SBF2: variants seen among roughly 807,000 people sequenced by gnomAD.
SBF2 encodes myotubularin-related protein 13.
In SBF2, 112 loss-of-function variants were observed where a neutral mutation model predicts 225.2. The observed-to-expected ratio is 0.50, with a 90% CI of 0.43 to 0.58. The LOEUF (loss-of-function observed/expected upper bound fraction) is 0.58, where lower values mean the gene tolerates loss of function less well. Ranked by LOEUF, SBF2 falls within the 20% of genes least tolerant of loss-of-function variation. The pLI, the probability that SBF2 is intolerant of heterozygous loss-of-function variation, is 0.00. For missense variants in SBF2, 1,996 were observed against 2,206.2 expected (o/e 0.90, Z 1.91); for synonymous variants, 763 against 773.3 (o/e 0.99, Z 0.22).
At chr11:10,294,237 A>G (rs1964369632), upstream of SBF2, 2 of 469,798 alleles carry the variant, frequency 4.3e-6, no homozygotes, top group African/African-American at 2.0e-5. Flanking sequence ...CGCGGCGCCT[A>G]GTGCCCGCTC....
chr11:9,873,246 C>G (rs1858933630), intron 17 of SBF2, among the ~76,000 whole-genome samples: 2 of 145,932 alleles, frequency 1.4e-5, no homozygotes, highest in Non-Finnish European at 3.0e-5. Context: ...CTAAAAAATG[C>G]TCTATGTAGT....
At chr11:9,862,527 CT>C (rs1857841268) in intron 17 of SBF2, among the ~76,000 whole-genome samples, 1 of 152,128 alleles carries the variant, frequency 6.6e-6, no homozygotes, top group South Asian at 2.1e-4. Context: ...AGAAATAAAG[CT>C]TTCCATTACT....
At chr11:10,111,196 T>A (rs1405804644) in intron 2 of SBF2, among the ~76,000 whole-genome samples, 3 of 152,212 alleles carry the variant, frequency 2.0e-5, no homozygotes, top group Non-Finnish European at 4.4e-5. Context: ...TAATAAAATA[T>A]GATTTTAAAT....
chr11:9,945,475 A>G (rs1484397008), intron 16 of SBF2, among the ~76,000 whole-genome samples: 2 of 152,198 alleles, frequency 1.3e-5, no homozygotes, highest in Non-Finnish European at 2.9e-5. Context: ...TAAATGTAAG[A>G]CCTAAAACTA....
chr11:9,865,649 C>A (rs1048694423), intron 17 of SBF2, among the ~76,000 whole-genome samples: 1 of 135,560 alleles, frequency 7.4e-6, no homozygotes, highest in South Asian at 2.4e-4. Context: ...CAAGATTGTG[C>A]CACTGCACTC....
At chr11:10,268,797 G>A (rs11042710) in intron 1 of SBF2, among the ~76,000 whole-genome samples, 3,184 of 152,288 alleles carry the variant, frequency 0.021, 83 homozygotes, top group African/African-American at 0.063. Flanking sequence ...TTAGACAAAT[G>A]TAAACGGAAA....
intron 1 of SBF2, among the ~76,000 whole-genome samples, chr11:10,206,102 T>C (rs1442013470): frequency 6.6e-6 from 1 of 151,420 alleles, no homozygotes; most frequent in African/African-American, 2.4e-5. Flanking sequence ...ATGAACATCG[T>C]GCCACACAAA....
chr11:10,220,388 C>G (rs1308645099), intron 1 of SBF2, among the ~76,000 whole-genome samples: 2 of 152,134 alleles, frequency 1.3e-5, no homozygotes, highest in Non-Finnish European at 2.9e-5. Context: ...TAGGTGGGGA[C>G]ACAGCCAAAT....
At chr11:10,232,055 G>C (rs2135437147) in intron 1 of SBF2, among the ~76,000 whole-genome samples, 1 of 152,312 alleles carries the variant, frequency 6.6e-6, no homozygotes, top group African/African-American at 2.4e-5. Flanking sequence ...TTTGATCTCA[G>C]ACTGCTGTGC....
intron 17 of SBF2, among the ~76,000 whole-genome samples, chr11:9,886,350 T>A (rs1860300095): frequency 6.6e-6 from 1 of 152,168 alleles, no homozygotes; most frequent in Non-Finnish European, 1.5e-5. Flanking sequence ...TTCCATAGAT[T>A]TTTTTTCCAT....
chr11:10,133,327 C>A (rs1954170953), intron 2 of SBF2, among the ~76,000 whole-genome samples: 1 of 149,422 alleles, frequency 6.7e-6, no homozygotes, highest in African/African-American at 2.5e-5. Flanking sequence ...CTTGGGTGGT[C>A]GATGGGACTG....
chr11:10,299,512 A>C (rs1196505003), intron 1 of SBF2, among the ~76,000 whole-genome samples: 1 of 152,210 alleles, frequency 6.6e-6, no homozygotes, highest in Non-Finnish European at 1.5e-5. Flanking sequence ...TTTGATGAGC[A>C]GGACTGGCTA....
chr11:10,253,787 C>G (rs539419396), intron 1 of SBF2, among the ~76,000 whole-genome samples: 5 of 152,130 alleles, frequency 3.3e-5, no homozygotes, highest in African/African-American at 2.4e-5. Context: ...AACAAAAAGG[C>G]CTTCTTTGTT....
intron 17 of SBF2, among the ~76,000 whole-genome samples, chr11:9,882,060 C>A (rs1306102888): frequency 6.6e-6 from 1 of 152,168 alleles, no homozygotes; most frequent in Non-Finnish European, 1.5e-5. Context: ...GATCTTTACA[C>A]AACATAATGA....
chr11:10,215,585 T>G (rs1958099276), intron 1 of SBF2, among the ~76,000 whole-genome samples: 1 of 152,158 alleles, frequency 6.6e-6, no homozygotes, highest in South Asian at 2.1e-4. Context: ...ACCGTACCAC[T>G]GCACTCCAGC....
intron 2 of SBF2, among the ~76,000 whole-genome samples, chr11:10,159,580 C>G (rs56853694): frequency 1.3e-5 from 2 of 152,058 alleles, no homozygotes; most frequent in Non-Finnish European, 2.9e-5. Flanking sequence ...TCTTGGCTCA[C>G]TGGCTTCCCC....
At chr11:9,863,362 C>A (rs1481320487) in intron 17 of SBF2, among the ~76,000 whole-genome samples, 1 of 152,160 alleles carries the variant, frequency 6.6e-6, no homozygotes, top group Non-Finnish European at 1.5e-5. Flanking sequence ...TTTGGGAGCT[C>A]AGGGAAAACC....
intron 16 of SBF2, among the ~76,000 whole-genome samples, chr11:9,929,446 C>G (rs1864319147): frequency 6.6e-6 from 1 of 152,148 alleles, no homozygotes; most frequent in Non-Finnish European, 1.5e-5. Flanking sequence ...CTTCCCAAAG[C>G]CAAACTTGCA....
intron 2 of SBF2, among the ~76,000 whole-genome samples, chr11:10,081,014 G>A (rs1340346451): frequency 6.6e-6 from 1 of 152,064 alleles, no homozygotes; most frequent in Non-Finnish European, 1.5e-5. Flanking sequence ...ATACTAGTGG[G>A]GGATGTCAGC....
Sources: gnomAD v4.1 joint callset for allele counts (sites outside exome capture counted in the v4.1 genomes callset) on GRCh38, gnomAD v4.1.1 for gene constraint, MANE v1.5 for transcripts, NCBI Gene and HGNC (gene_info 2026-07-23, HGNC 2026-07-21) for gene names.